Variants in ERBB4 observed in about 807,000 individuals in gnomAD.
ERBB4 encodes erb-b2 receptor tyrosine kinase 4.
A neutral mutation model predicts 158.0 loss-of-function variants in ERBB4; 42 were observed. The observed-to-expected ratio is 0.27, with a 90% CI of 0.21 to 0.34. ERBB4 has a LOEUF of 0.34. ERBB4 is among the 10% of genes least tolerant of loss of function. ERBB4 has a pLI of 1.00. For missense variants in ERBB4, 1,333 were observed against 1,624.1 expected, an observed-to-expected ratio of 0.82 and a Z score of 3.08; for synonymous variants, 583 against 558.7, an observed-to-expected ratio of 1.04 and a Z score of -0.61.
chr2:211,562,953 A>G (rs2067445412), intron 19 of ERBB4, among the ~76,000 whole-genome samples: 1 of 151,878 alleles, frequency 6.6e-6, no homozygotes, highest in Non-Finnish European at 1.5e-5. Context: ...TTGTATTTTT[A>G]GTAGAGACGG....
At chr2:211,841,247 G>C (rs2077463327) in intron 3 of ERBB4, among the ~76,000 whole-genome samples, 1 of 152,034 alleles carries the variant, frequency 6.6e-6, no homozygotes, top group Non-Finnish European at 1.5e-5. Context: ...TGCTATATTT[G>C]TGTTTACAGA....
chr2:211,730,154 T>C (rs1352190325), intron 5 of ERBB4, among the ~76,000 whole-genome samples: 2 of 152,024 alleles, frequency 1.3e-5, no homozygotes, highest in South Asian at 2.1e-4. Context: ...ATAAGAACTA[T>C]GGCTTAATTA....
chr2:211,498,041 C>T (rs1331786027), intron 20 of ERBB4, among the ~76,000 whole-genome samples: 2 of 152,042 alleles, frequency 1.3e-5, no homozygotes, highest in Admixed American at 6.6e-5. Context: ...ACCAAGAGAC[C>T]TGCATGTTTT....
chr2:212,101,526 A>G (rs1316931811), intron 2 of ERBB4, among the ~76,000 whole-genome samples: 3 of 151,790 alleles, frequency 2.0e-5, no homozygotes, highest in African/African-American at 7.2e-5. Context: ...CGCATACCAC[A>G]AAAAATAACC....
intron 16 of ERBB4, among the ~76,000 whole-genome samples, chr2:211,647,539 T>C (rs944438938): frequency 6.6e-6 from 1 of 151,656 alleles, no homozygotes; most frequent in African/African-American, 2.4e-5. Flanking sequence ...TCAGTTAATG[T>C]TACCCCCATC....
chr2:212,423,510 A>C (rs1244980154), intron 1 of ERBB4, among the ~76,000 whole-genome samples: 2 of 152,220 alleles, frequency 1.3e-5, no homozygotes, highest in Non-Finnish European at 2.9e-5. Flanking sequence ...TACTATAAGT[A>C]GAAAAGCAGC....
chr2:211,788,583 T>C (rs1442312888), intron 3 of ERBB4, among the ~76,000 whole-genome samples: 1 of 152,182 alleles, frequency 6.6e-6, no homozygotes, highest in African/African-American at 2.4e-5. Context: ...ATAAATTAAA[T>C]GGTAATTATT....
chr2:212,208,135 T>C (rs1170735456), intron 1 of ERBB4, among the ~76,000 whole-genome samples: 2 of 152,152 alleles, frequency 1.3e-5, no homozygotes, highest in East Asian at 1.9e-4. Context: ...AAGGAATATC[T>C]ATAAAGCTTG....
chr2:211,831,110 C>G (rs2077209043), intron 3 of ERBB4, among the ~76,000 whole-genome samples: 1 of 152,042 alleles, frequency 6.6e-6, no homozygotes, highest in Admixed American at 6.5e-5. Flanking sequence ...AAGTACTTAG[C>G]TTGGAGATGA....
chr2:212,489,423 T>C (rs1436617837), intron 1 of ERBB4, among the ~76,000 whole-genome samples: 1 of 151,946 alleles, frequency 6.6e-6, no homozygotes, highest in African/African-American at 2.4e-5. Context: ...CTTATAGTAC[T>C]TTTTCTATTG....
At chr2:212,257,025 T>C (rs2106071487) in intron 1 of ERBB4, among the ~76,000 whole-genome samples, 1 of 152,204 alleles carries the variant, frequency 6.6e-6, no homozygotes, top group Admixed American at 6.6e-5. Context: ...ACCCAGGTAG[T>C]AAGCATAGTA....
intron 9 of ERBB4, among the ~76,000 whole-genome samples, chr2:211,711,138 TAAACAG>T (rs2073683223): frequency 3.9e-5 from 6 of 152,008 alleles, no homozygotes; most frequent in Non-Finnish European, 8.8e-5. Flanking sequence ...CCTATTAAAA[TAAACAG>T]ATATTTAGCA....
chr2:211,809,432 C>A (rs576020157), intron 3 of ERBB4, among the ~76,000 whole-genome samples: 1 of 152,076 alleles, frequency 6.6e-6, no homozygotes, highest in East Asian at 1.9e-4. Context: ...GTGTATGTGT[C>A]CAGGAATTTA....
chr2:211,837,605 CCTT>C (rs1323946011), intron 3 of ERBB4, among the ~76,000 whole-genome samples: 8 of 152,048 alleles, frequency 5.3e-5, no homozygotes, highest in Non-Finnish European at 1.2e-4. Flanking sequence ...GGTTGAATCT[CCTT>C]CTCACTAACT....
intron 25 of ERBB4, among the ~76,000 whole-genome samples, chr2:211,413,628 T>C (rs984977526): frequency 6.6e-6 from 1 of 152,074 alleles, no homozygotes; most frequent in African/African-American, 2.4e-5. Flanking sequence ...CACTATATCA[T>C]TTAGCTATGA....
intron 3 of ERBB4, among the ~76,000 whole-genome samples, chr2:211,809,249 G>A (rs1329280876): frequency 6.6e-6 from 1 of 152,172 alleles, no homozygotes; most frequent in Non-Finnish European, 1.5e-5. Flanking sequence ...GATTGGAATA[G>A]TTTCAGAAGG....
chr2:211,447,863 C>T (rs1414413782), intron 20 of ERBB4, among the ~76,000 whole-genome samples: 1 of 152,138 alleles, frequency 6.6e-6, no homozygotes, highest in Admixed American at 6.5e-5. Flanking sequence ...ATATTTAAAT[C>T]AAAGTCTGTA....
At chr2:212,497,307 G>C (rs1009422730) in intron 1 of ERBB4, among the ~76,000 whole-genome samples, 1 of 151,716 alleles carries the variant, frequency 6.6e-6, no homozygotes, top group East Asian at 1.9e-4. Context: ...CTCTCACTCT[G>C]TTGCCCAGGT....
intron 3 of ERBB4, among the ~76,000 whole-genome samples, chr2:211,941,716 CTT>C (rs57686734): frequency 1.7e-4 from 22 of 132,944 alleles, no homozygotes; most frequent in East Asian, 2.2e-4. Context: ...ATTTGGAACA[CTT>C]TTTTTTTTTT....
Sources: allele counts gnomAD v4.1 joint callset (sites outside exome capture counted in the v4.1 genomes callset), GRCh38; gene constraint gnomAD v4.1.1; transcripts MANE v1.5; gene names NCBI Gene and HGNC (gene_info 2026-07-23, HGNC 2026-07-21).